The following DPYSL3 variants were observed in gnomAD, a reference collection of about 807,000 sequenced individuals.
The protein encoded by DPYSL3 is dihydropyrimidinase like 3.
In DPYSL3, 16 loss-of-function variants were observed where a neutral mutation model predicts 66.1. The ratio of observed to expected loss-of-function variants is 0.24; its 90% CI spans 0.16 to 0.37. The LOEUF is 0.37. Ranked by LOEUF, DPYSL3 falls within the 10% of genes least tolerant of loss-of-function variation. The pLI, the probability that DPYSL3 is intolerant of heterozygous loss-of-function variation, is 1.00. For synonymous variants in DPYSL3, 338 were observed against 345.1 expected (o/e 0.98, Z 0.23); for missense variants, 738 against 916.2 (o/e 0.81, Z 2.51).
At chr5:147,426,016 T>A (rs1752190901) in intron 1 of DPYSL3, among the ~76,000 whole-genome samples, 1 of 151,286 alleles carries the variant, frequency 6.6e-6, no homozygotes, top group Non-Finnish European at 1.5e-5. Flanking sequence ...CATCCATCCA[T>A]CCATCCATCC....
Position 147,392,260 on chromosome 5 carries a change from C to T in DPYSL3, c.*1775G>A, listed in dbSNP as rs1757831386. 6.6e-6 allele frequency: 1 copy of T among 152,230 alleles called. No homozygotes were observed. Among genetic ancestry groups the T allele is most frequent in the Non-Finnish European group, 1.5e-5 (1 of 68,044 alleles). The allele number at this position is 152,230 out of a possible 1,614,324, so 9.4% of individuals were successfully genotyped here. ...ACTACAAGAGCTTTAAAATAGCAAGCTTCCCTATTCTAAGGGGAAATAGTC... is the reference window on the plus strand; with the variant it reads ...ACTACAAGAGCTTTAAAATAGCAAGTTTCCCTATTCTAAGGGGAAATAGTC... On this transcript the variant is annotated 3_prime_UTR_variant, in exon 14 of 14. Transcript: ENST00000343218.
At chr5:147,440,549 C>T (rs572470263) in intron 1 of DPYSL3, among the ~76,000 whole-genome samples, 30 of 152,282 alleles carry the variant, frequency 2.0e-4, no homozygotes, top group South Asian at 4.1e-4. Context: ...TCACGGCCCA[C>T]GGCACATCAC....
At chr5:147,499,657 G>A (rs1753573073) in intron 1 of DPYSL3, among the ~76,000 whole-genome samples, 1 of 152,168 alleles carries the variant, frequency 6.6e-6, no homozygotes, top group South Asian at 2.1e-4. Flanking sequence ...ATTCGACACA[G>A]TTCCAATCAA....
intron 1 of DPYSL3, among the ~76,000 whole-genome samples, chr5:147,474,664 A>G (rs1281025342): frequency 6.6e-6 from 1 of 152,094 alleles, no homozygotes; most frequent in Non-Finnish European, 1.5e-5. Context: ...AAAGCACTGT[A>G]CATAATGCCT....
chr5:147,453,726 T>C, intron 1 of DPYSL3: 2 of 1,313,412 alleles, frequency 1.5e-6, no homozygotes, highest in Middle Eastern at 2.9e-4. Context: ...TCCGCCCGCC[T>C]CCGCCCCCCT....
At chr5:147,467,544 G>A (rs1753028836) in intron 1 of DPYSL3, among the ~76,000 whole-genome samples, 2 of 152,110 alleles carry the variant, frequency 1.3e-5, no homozygotes, top group African/African-American at 4.8e-5. Flanking sequence ...TATTAATAGA[G>A]TACATATACA....
intron 1 of DPYSL3, among the ~76,000 whole-genome samples, chr5:147,471,201 T>C (rs1753081654): frequency 2.0e-5 from 3 of 152,130 alleles, no homozygotes; most frequent in Admixed American, 6.5e-5. Context: ...AAGTTCTGGG[T>C]AGACTCACTG....
intron 1 of DPYSL3, among the ~76,000 whole-genome samples, chr5:147,475,547 T>C (rs190099177): frequency 6.4e-4 from 97 of 152,182 alleles, no homozygotes; most frequent in African/African-American, 2.1e-3. Flanking sequence ...AAACAAAGAT[T>C]AAAATCCTAA....
chr5:147,401,703 G>A lies in DPYSL3; in HGVS notation c.1154-7C>T. The A allele has an allele frequency of 1.2e-6, 2 of 1,613,982 alleles. No individual in the cohort carries two copies. The highest frequency in any genetic ancestry group is 1.1e-5 in the South Asian group (1 of 91,050). On this transcript the variant is annotated splice_region_variant and splice_polypyrimidine_tract_variant and intron_variant, in intron 8 of 13. Transcript: ENST00000343218. ...TCACCAAAGACTACATTTCCTAGAA[G>A]GGGCAGGAAACAGACAAGGGGTTAG...
chr5:147,487,580 G>GT (rs1214851777), intron 1 of DPYSL3, among the ~76,000 whole-genome samples: 3 of 152,142 alleles, frequency 2.0e-5, no homozygotes, highest in Non-Finnish European at 4.4e-5. Flanking sequence ...CCCACCACCT[G>GT]TTTTTTTGTT....
chr5:147,436,176 T>C (rs1752412100), intron 1 of DPYSL3, among the ~76,000 whole-genome samples: 2 of 152,122 alleles, frequency 1.3e-5, no homozygotes, highest in African/African-American at 4.8e-5. Flanking sequence ...ACACGGAGTA[T>C]GGAGCAGGGT....
At chr5:147,500,020 A>G (rs1753579059) in intron 1 of DPYSL3, among the ~76,000 whole-genome samples, 1 of 152,224 alleles carries the variant, frequency 6.6e-6, no homozygotes, top group Non-Finnish European at 1.5e-5. Flanking sequence ...GATCTATGCC[A>G]TTCACAAAAA....
chr5:147,441,970 T>C (rs753023848), intron 1 of DPYSL3, among the ~76,000 whole-genome samples: 6 of 152,236 alleles, frequency 3.9e-5, no homozygotes, highest in Non-Finnish European at 8.8e-5. Flanking sequence ...CTAAGTTTTC[T>C]GAGGCCCTTT....
rs377195458 is a variant in DPYSL3, at chr5:147,408,815, A to G, written c.964-19T>C. ...TTTGCTCCTGAAATGAAAAAAGAAA[A>G]TAGTTCTTCAATAAGCTCAAGTGAG... On this transcript the variant is annotated intron_variant, in intron 6 of 13. Transcript: ENST00000343218. 1.9e-6 allele frequency: 3 copies of G among 1,613,856 alleles called. No individual in the cohort carries two copies. The African/African-American group carries it at 4.0e-5, about 22-fold the overall frequency.
At chr5:147,411,557 G>A (rs1751853101) in intron 6 of DPYSL3, among the ~76,000 whole-genome samples, 2 of 152,176 alleles carry the variant, frequency 1.3e-5, no homozygotes, top group African/African-American at 4.8e-5. Context: ...TATAAAATAG[G>A]GAGGATGATA....
intron 1 of DPYSL3, among the ~76,000 whole-genome samples, chr5:147,451,197 G>A (rs559152307): frequency 1.3e-5 from 2 of 152,258 alleles, no homozygotes; most frequent in Admixed American, 6.5e-5. Context: ...ACCAACATCC[G>A]CCTCCTGCCA....
chr5:147,476,392 C>T (rs913843349), intron 1 of DPYSL3, among the ~76,000 whole-genome samples: 6 of 152,016 alleles, frequency 3.9e-5, no homozygotes, highest in African/African-American at 1.4e-4. Context: ...TAGATTAGAT[C>T]ATTTAGTTCT....
rs529926726 is a variant in DPYSL3, at chr5:147,408,644, T to C, written c.1032+84A>G. ...GTCTTTGGAAGAAATGTTCCAATAC[T>C]GCAACCTGGTACTCACATTCTCGTC... On this transcript the variant is annotated intron_variant, in intron 7 of 13. Coordinates refer to ENST00000343218, the MANE Select transcript of DPYSL3 (RefSeq NM_001197294.2). 1.1e-4 allele frequency: 165 copies of C among 1,448,146 alleles called. No individual in the cohort carries two copies. In the African/African-American group the frequency reaches 2.0e-3, roughly 18 times the overall value. The allele number at this position is 1,448,146 out of a possible 1,614,324, so 89.7% of individuals were successfully genotyped here.
intron 1 of DPYSL3, among the ~76,000 whole-genome samples, chr5:147,494,709 CA>C (rs35761170): frequency 0.018 from 1,512 of 83,550 alleles, 29 homozygotes; most frequent in African/African-American, 0.054. Context: ...ACGAAAAATA[CA>C]AAAAAAAAAA....
Sources: allele counts gnomAD v4.1 joint callset (sites outside exome capture counted in the v4.1 genomes callset), GRCh38; gene constraint gnomAD v4.1.1; transcripts MANE v1.5; gene names NCBI Gene and HGNC (gene_info 2026-07-23, HGNC 2026-07-21).